HSD17B13: variants seen among roughly 807,000 people sequenced by gnomAD.
HSD17B13 encodes hydroxysteroid 17-beta dehydrogenase 13.
In HSD17B13, 26 loss-of-function variants were observed where a neutral mutation model predicts 31.1. The ratio of observed to expected loss-of-function variants is 0.84; its 90% CI spans 0.61 to 1.16. The LOEUF is 1.16. Ranked by LOEUF, HSD17B13 falls within the 50% of genes most tolerant of loss-of-function variation. HSD17B13 has a pLI of 0.00. For missense variants in HSD17B13, 374 were observed against 366.5 expected (o/e 1.02, Z -0.17); for synonymous variants, 141 against 133.7 (o/e 1.05, Z -0.38).
At chr4:87,318,538 G>A in intron 1 of HSD17B13, 102 bp from the exon 2 acceptor site, 6 of 884,250 alleles carry the variant, frequency 6.8e-6, no homozygotes, top group Non-Finnish European at 9.1e-6. Context: ...GGTGGCTCAC[G>A]CCTGTAATCC....
chr4:87,322,784 C>T lies in HSD17B13; in HGVS notation c.58G>A (p.Glu20Lys), dbSNP rs764572652. The T allele has an allele frequency of 5.0e-6, 8 of 1,614,010 alleles. No homozygotes were observed. The South Asian group carries it at 8.8e-5, about 18-fold the overall frequency. Residue 20 changes from glutamate to lysine, a missense_variant, in exon 1 of 7, where the codon GAG becomes AAG. Coordinates refer to ENST00000328546, the MANE Select transcript of HSD17B13 (RefSeq NM_178135.5). ...GGAATGAAAAACTTCACCAACGACTCCAAGTAGGAGTAGATGATGGTGATC... is the reference window on the plus strand; with the variant it reads ...GGAATGAAAAACTTCACCAACGACTTCAAGTAGGAGTAGATGATGGTGATC... ...LLITIIYSYLESLVKFFIPQR... is the reference protein window; with the variant it reads ...LLITIIYSYLKSLVKFFIPQR...
Position 87,318,416 on chromosome 4 carries a change from T to G in HSD17B13, c.231A>C (p.Ala77=), listed in dbSNP as rs754416185. The change falls in exon 2 of 7, where the codon GCA becomes GCC. Residue 77 remains alanine (A), a synonymous_variant. Transcript: ENST00000328546. Reference sequence around the variant, plus strand: ...TGACGCCTAGTTTTCGGCACTCAGCTGCAGTTTCCTCCACACCGCGCTGTA... The same window carrying G: ...TGACGCCTAGTTTTCGGCACTCAGCGGCAGTTTCCTCCACACCGCGCTGTA... The part of the protein sequence containing the change: ...DINKRGVEET[A]AECRKLGVTA... The G allele has an allele frequency of 1.9e-6, 3 of 1,614,134 alleles. No individual in the cohort carries two copies. Among genetic ancestry groups the G allele is most frequent in the Non-Finnish European group, 1.7e-6 (2 of 1,179,958 alleles).
intron 6 of HSD17B13, among the ~76,000 whole-genome samples, chr4:87,306,572 A>G (rs1253942632): frequency 6.6e-6 from 1 of 152,126 alleles, no homozygotes; most frequent in African/African-American, 2.4e-5. Flanking sequence ...TCAAAAGGAC[A>G]ACTGATGTCC....
At chr4:87,317,398 T>C (rs550904243) in intron 2 of HSD17B13, among the ~76,000 whole-genome samples, 175 bp from the exon 3 acceptor site, 1 of 152,194 alleles carries the variant, frequency 6.6e-6, no homozygotes. Flanking sequence ...GTCATAAAGG[T>C]GGGATAAACT....
In HSD17B13 at chr4:87,313,905, C is replaced by CCTGAAGTTCTGATGTCAGACCT; in HGVS notation, c.591_612dup (p.Ala205ArgfsTer44). 6 of 1,608,424 alleles carry CCTGAAGTTCTGATGTCAGACCT rather than the reference C, an allele frequency of 3.7e-6. No individual in the cohort carries two copies. Among genetic ancestry groups the CCTGAAGTTCTGATGTCAGACCT allele is most frequent in the Non-Finnish European group, 5.1e-6 (6 of 1,177,740 alleles). ...GTTTTGATACCAGTTTTTCCCAAGG[C>CCTGAAGTTCTGATGTCAGACCT]CTGAAGTTCTGATGTCAGACCTCTG... is the stretch of plus-strand genomic sequence containing the variant. On this transcript the variant is annotated frameshift_variant, in exon 5 of 7. Transcript: ENST00000328546. LOFTEE classifies it high-confidence loss of function.
At chr4:87,306,934 A>G (rs13122286) in intron 6 of HSD17B13, among the ~76,000 whole-genome samples, 2 of 142,550 alleles carry the variant, frequency 1.4e-5, no homozygotes, top group Non-Finnish European at 1.5e-5. Flanking sequence ...AAAAAAAAAA[A>G]GGAAGACAGT....
rs1560745003 is a variant in HSD17B13 at position 87,305,314 on chromosome 4, C to T, written c.813-6G>A. The T allele has an allele frequency of 2.6e-6, 4 of 1,561,684 alleles. No homozygotes were observed. Among genetic ancestry groups the T allele is most frequent in the Non-Finnish European group, 3.4e-6 (4 of 1,160,120 alleles). ...AGGCGCGTTCAGGAAGAAACCTGTA[C>T]AAAAAAGAAAAAAAAATTGAAAAAT... is the stretch of plus-strand genomic sequence containing the variant. On this transcript the variant is annotated splice_region_variant and splice_polypyrimidine_tract_variant and intron_variant, in intron 6 of 6. Coordinates refer to ENST00000328546, the MANE Select transcript of HSD17B13 (RefSeq NM_178135.5).
chr4:87,319,646 AAAG>A (rs1457874904), intron 1 of HSD17B13, among the ~76,000 whole-genome samples: 2 of 152,314 alleles, frequency 1.3e-5, no homozygotes, highest in South Asian at 2.1e-4. Flanking sequence ...AAGTCTCCTT[AAAG>A]AAGAAGGACT....
chr4:87,305,153 G>A lies in HSD17B13; in HGVS notation c.*65C>T, dbSNP rs1734359044. The stretch of plus-strand genomic sequence containing the variant: ...CTGAAAAAATGTGAAATAAAGCTTT[G>A]CAGCATTGATTCGAAACTATTCATA... On this transcript the variant is annotated 3_prime_UTR_variant, in exon 7 of 7. Transcript: ENST00000328546. 1 of 1,025,892 alleles carries A rather than the reference G, an allele frequency of 9.7e-7. No individual in the cohort carries two copies. The highest frequency in any genetic ancestry group is 1.4e-6 in the Non-Finnish European group (1 of 703,636). The allele number at this position is 1,025,892 out of a possible 1,614,324, so 63.5% of individuals were successfully genotyped here. A position where few individuals can be genotyped will look rare whatever the true frequency, so the allele number is the denominator to read the frequency against.
chr4:87,320,512 G>C (rs933862042), intron 1 of HSD17B13, among the ~76,000 whole-genome samples: 1 of 144,080 alleles, frequency 6.9e-6, no homozygotes, highest in Admixed American at 7.3e-5. Flanking sequence ...TCAGCCTCCC[G>C]AGTAGCTGGG....
In HSD17B13 at chr4:87,305,081, G is replaced by A. The variant is rs932544300; in HGVS notation, c.*137C>T. 7 of 454,246 alleles carry A rather than the reference G, an allele frequency of 1.5e-5. No individual in the cohort carries two copies. In the East Asian group the frequency reaches 1.7e-4, roughly 11 times the overall value. The allele number at this position is 454,246 out of a possible 1,614,324, so 28.1% of individuals were successfully genotyped here. A position where few individuals can be genotyped will look rare whatever the true frequency, so the allele number is the denominator to read the frequency against. On this transcript the variant is annotated 3_prime_UTR_variant, in exon 7 of 7. Coordinates refer to ENST00000328546, the MANE Select transcript of HSD17B13 (RefSeq NM_178135.5). ...GGAAGACAGGTAATTAATCTTGTTC[G>A]TTTGACTGCTGCTAGTGCCAAACCA...
chr4:87,313,743 G>T, intron 5 of HSD17B13, 80 bp downstream of exon 5: 7 of 1,100,154 alleles, frequency 6.4e-6, no homozygotes, highest in Admixed American at 2.4e-5. Context: ...TCTATTAGTT[G>T]GCCTGCCTAA....
chr4:87,307,565 T>C (rs1734420232), intron 6 of HSD17B13, among the ~76,000 whole-genome samples: 1 of 152,152 alleles, frequency 6.6e-6, no homozygotes, highest in African/African-American at 2.4e-5. Flanking sequence ...CAGGCTGGAG[T>C]GCAGTGGCAC....
chr4:87,315,847 A>G (rs182521217), intron 3 of HSD17B13, among the ~76,000 whole-genome samples: 1 of 152,306 alleles, frequency 6.6e-6, no homozygotes, highest in East Asian at 1.9e-4. Context: ...GAAGGAATCA[A>G]ATAGATCCTT....
intron 6 of HSD17B13, among the ~76,000 whole-genome samples, chr4:87,305,790 C>T (rs1734377564): frequency 6.6e-6 from 1 of 152,176 alleles, no homozygotes; most frequent in Non-Finnish European, 1.5e-5. Flanking sequence ...AGGCAGAAAA[C>T]ATTGCAGTTA....
chr4:87,307,326 A>G (rs951831489), intron 6 of HSD17B13, among the ~76,000 whole-genome samples: 1 of 152,150 alleles, frequency 6.6e-6, no homozygotes, highest in Non-Finnish European at 1.5e-5. Flanking sequence ...TTACTGGGAT[A>G]CTATTCTCCA....
Position 87,315,530 on chromosome 4 carries a change from A to T in HSD17B13, c.520T>A (p.Cys174Ser), listed in dbSNP as rs1375509001. The change falls in exon 4 of 7, where the codon TGC (cysteine) becomes AGC (serine). Residue 174 changes from cysteine (C) to serine (S), a missense_variant. By Grantham distance (112) the Cys-to-Ser change is moderately radical. Transcript: ENST00000328546. The stretch of plus-strand genomic sequence containing the variant: ...AGGTAAGGAATCCCTTCGTGGCCGC[A>T]CACTGAAGCCACTGTGACGATGTGG... ...HGHIVTVASV[C>S]GHEGIPYLIP... The T allele has an allele frequency of 6.2e-7, 1 of 1,612,054 alleles. No homozygotes were observed. Among genetic ancestry groups the T allele is most frequent in the Non-Finnish European group, 8.5e-7 (1 of 1,178,372 alleles).
intron 1 of HSD17B13, among the ~76,000 whole-genome samples, chr4:87,320,805 G>A (rs1352470489): frequency 6.6e-6 from 1 of 152,058 alleles, no homozygotes; most frequent in African/African-American, 2.4e-5. Flanking sequence ...TATTCCCAAC[G>A]CAACAGTTTA....
intron 6 of HSD17B13, among the ~76,000 whole-genome samples, chr4:87,305,527 AG>A (rs1734372730): frequency 6.6e-6 from 1 of 151,876 alleles, no homozygotes; most frequent in African/African-American, 2.4e-5. Flanking sequence ...CATTAGGAAA[AG>A]TGTAAAAACA....
Sources: gnomAD v4.1 joint callset for allele counts (sites outside exome capture counted in the v4.1 genomes callset) on GRCh38, gnomAD v4.1.1 for gene constraint, MANE v1.5 for transcripts, NCBI Gene and HGNC (gene_info 2026-07-23, HGNC 2026-07-21) for gene names.